RBFOX1: variants seen among roughly 807,000 people sequenced by gnomAD.
RBFOX1 encodes the protein RNA binding fox-1 homolog 1.
Under a neutral mutation model 57.7 loss-of-function variants are expected in RBFOX1, and 8 were observed. That is an observed-to-expected ratio of 0.14 (90% confidence interval 0.08 to 0.25). The LOEUF (loss-of-function observed/expected upper bound fraction) is 0.25. Ranked by LOEUF, RBFOX1 falls within the 10% of genes least tolerant of loss-of-function variation. The pLI, the probability that RBFOX1 is intolerant of heterozygous loss-of-function variation, is 1.00. For synonymous variants in RBFOX1, 326 were observed against 222.4 expected, an observed-to-expected ratio of 1.47 and a Z score of -4.15; for missense variants, 611 against 548.5, an observed-to-expected ratio of 1.11 and a Z score of -1.14.
At chr16:7,099,721 C>T (rs769154672) in intron 4 of RBFOX1, among the ~76,000 whole-genome samples, 1 of 152,092 alleles carries the variant, frequency 6.6e-6, no homozygotes, top group Non-Finnish European at 1.5e-5. Flanking sequence ...GGGAGGGACA[C>T]TTCAAGGAGG....
chr16:7,086,166 C>G (rs1163023320), intron 4 of RBFOX1, among the ~76,000 whole-genome samples: 1 of 152,138 alleles, frequency 6.6e-6, no homozygotes, highest in Non-Finnish European at 1.5e-5. Context: ...TACTCGCCAC[C>G]CGTCTCATGC....
chr16:6,683,460 GA>G (rs1177457074), intron 3 of RBFOX1, among the ~76,000 whole-genome samples: 1 of 151,782 alleles, frequency 6.6e-6, no homozygotes, highest in Non-Finnish European at 1.5e-5. Context: ...AATGGTTTAG[GA>G]GAAAAAAATA....
intron 4 of RBFOX1, among the ~76,000 whole-genome samples, chr16:7,162,680 G>C (rs2078615517): frequency 6.6e-6 from 1 of 152,022 alleles, no homozygotes; most frequent in South Asian, 2.1e-4. Flanking sequence ...AGTGAGCTGA[G>C]ATTGCGCCAC....
intron 3 of RBFOX1, among the ~76,000 whole-genome samples, chr16:6,808,581 T>G (rs978730206): frequency 2.0e-5 from 3 of 152,086 alleles, no homozygotes; most frequent in Non-Finnish European, 4.4e-5. Context: ...ACTGCCAAAT[T>G]TATCATCTCA....
intron 3 of RBFOX1, among the ~76,000 whole-genome samples, chr16:5,765,919 G>C (rs1374115432): frequency 1.3e-5 from 2 of 152,162 alleles, no homozygotes; most frequent in Non-Finnish European, 2.9e-5. Context: ...TGCAGTCTCT[G>C]GTGTTCCACC....
At chr16:6,157,099 C>G (rs148117725) in intron 1 of RBFOX1, among the ~76,000 whole-genome samples, 15 of 151,682 alleles carry the variant, frequency 9.9e-5, no homozygotes, top group Non-Finnish European at 2.2e-4. Context: ...CCTCCCAAAG[C>G]GCTGGGATTA....
intron 4 of RBFOX1, among the ~76,000 whole-genome samples, chr16:7,149,483 C>CTT (rs60001454): frequency 4.7e-4 from 57 of 122,234 alleles, no homozygotes; most frequent in Non-Finnish European, 7.2e-4. Context: ...TCTTTCTTTC[C>CTT]TTTTTTTTTT....
chr16:6,933,650 T>G (rs1366725915), intron 3 of RBFOX1, among the ~76,000 whole-genome samples: 1 of 152,152 alleles, frequency 6.6e-6, no homozygotes, highest in Non-Finnish European at 1.5e-5. Flanking sequence ...GAGGGAGAGG[T>G]TGCAGTGAGT....
At chr16:7,090,853 C>T (rs928980332) in intron 4 of RBFOX1, among the ~76,000 whole-genome samples, 7 of 152,082 alleles carry the variant, frequency 4.6e-5, no homozygotes, top group African/African-American at 1.7e-4. Context: ...CTACACTTGC[C>T]GTAGAATGAA....
chr16:5,657,878 T>A (rs116090387), intron 3 of RBFOX1, among the ~76,000 whole-genome samples: 2 of 151,408 alleles, frequency 1.3e-5, no homozygotes, highest in African/African-American at 4.9e-5. Context: ...ATTACAGGCA[T>A]CCACAACAAC....
chr16:5,671,119 C>T (rs2050000338), intron 3 of RBFOX1, among the ~76,000 whole-genome samples: 1 of 152,220 alleles, frequency 6.6e-6, no homozygotes, highest in African/African-American at 2.4e-5. Context: ...CAAATTAGAC[C>T]ATCTTGCTCT....
At chr16:6,845,281 G>T (rs1313697386) in intron 3 of RBFOX1, among the ~76,000 whole-genome samples, 1 of 149,172 alleles carries the variant, frequency 6.7e-6, no homozygotes, top group African/African-American at 2.5e-5. Context: ...TATTGCCTAG[G>T]TTTTTTTTTT....
At chr16:6,594,299 T>C (rs1004971543) in intron 2 of RBFOX1, among the ~76,000 whole-genome samples, 2 of 152,146 alleles carry the variant, frequency 1.3e-5, no homozygotes, top group Non-Finnish European at 2.9e-5. Flanking sequence ...CAGCCATACT[T>C]CCCATGACCC....
chr16:6,947,931 C>A (rs1016764239), intron 3 of RBFOX1, among the ~76,000 whole-genome samples: 1 of 152,114 alleles, frequency 6.6e-6, no homozygotes, highest in South Asian at 2.1e-4. Flanking sequence ...CTCAACCCAC[C>A]ATGCCCAGCT....
intron 4 of RBFOX1, among the ~76,000 whole-genome samples, chr16:7,385,452 G>C (rs1194822280): frequency 2.0e-5 from 3 of 152,220 alleles, no homozygotes; most frequent in Non-Finnish European, 4.4e-5. Flanking sequence ...CCAGGATGGA[G>C]AGGTCGGGGC....
chr16:6,904,094 C>A (rs1336163745), intron 3 of RBFOX1, among the ~76,000 whole-genome samples: 1 of 152,204 alleles, frequency 6.6e-6, no homozygotes, highest in South Asian at 2.1e-4. Flanking sequence ...GTCGGATGCT[C>A]TTATTCACCA....
intron 3 of RBFOX1, among the ~76,000 whole-genome samples, chr16:5,847,911 T>G (rs2056798153): frequency 6.6e-6 from 1 of 152,158 alleles, no homozygotes. Flanking sequence ...TGTCCAGGAC[T>G]CTAGGGATAC....
In RBFOX1 at chr16:7,447,202, C is replaced by A. The variant is rs113468920; in HGVS notation, c.28-70945C>A. 5.0e-3 allele frequency among the ~76,000 whole-genome samples: 756 copies of A among 151,870 alleles called. 4 individuals are homozygous for A. The highest frequency in any genetic ancestry group is 0.017 in the African/African-American group (693 of 41,458). Reference sequence around the variant, plus strand: ...ACATTCACACTTTGGGAGGCCAAGGCTGGCAGATTAATTGAGGTCAGGAGT... The same window carrying A: ...ACATTCACACTTTGGGAGGCCAAGGATGGCAGATTAATTGAGGTCAGGAGT... On this transcript the variant is annotated intron_variant, in intron 4 of 15. Coordinates refer to ENST00000550418, the MANE Select transcript of RBFOX1 (RefSeq NM_018723.4).
intron 14 of RBFOX1, among the ~76,000 whole-genome samples, chr16:7,694,470 G>C (rs2078169736): frequency 6.6e-6 from 1 of 152,190 alleles, no homozygotes; most frequent in South Asian, 2.1e-4. Context: ...TATTTATATG[G>C]TCAGCCTCAA....
Sources: gnomAD v4.1 joint callset for allele counts (sites outside exome capture counted in the v4.1 genomes callset) on GRCh38, gnomAD v4.1.1 for gene constraint, MANE v1.5 for transcripts, NCBI Gene and HGNC (gene_info 2026-07-23, HGNC 2026-07-21) for gene names.